HSBP1L1: variants seen among roughly 807,000 people sequenced by gnomAD.
HSBP1L1 encodes the protein heat shock factor binding protein 1 like 1, also known as heat shock factor-binding protein 1-like protein 1.
In HSBP1L1, 8 loss-of-function variants were observed where a neutral mutation model predicts 9.7. The observed-to-expected ratio is 0.82, with a 90% CI of 0.48 to 1.48. The LOEUF (loss-of-function observed/expected upper bound fraction) is 1.48. HSBP1L1 is among the 40% of genes most tolerant of loss of function. HSBP1L1 has a pLI of 0.00. For missense variants in HSBP1L1, 106 were observed against 95.8 expected, an observed-to-expected ratio of 1.11 and a Z score of -0.44; for synonymous variants, 39 against 34.4, an observed-to-expected ratio of 1.13 and a Z score of -0.46.
rs2051267061 is a variant in HSBP1L1 at position 79,968,160 on chromosome 18, G to C, written c.190G>C (p.Glu64Gln). 1 of 1,545,606 alleles carries C rather than the reference G, an allele frequency of 6.5e-7. No homozygotes were observed. Among genetic ancestry groups the C allele is most frequent in the Admixed American group, 2.0e-5 (1 of 50,464 alleles). ...GGACTTAATGGTGCAAGCTGGCATT[G>C]AAAATTCTATTAAAGAACAAATGGT... ...VKDLMVQAGI[E>Q]NSIKEQMLKT Residue 64 changes from glutamate (E) to glutamine (Q), a missense_variant, in exon 3 of 4, where the codon GAA (glutamate) becomes CAA (glutamine). By Grantham distance (29) the Glu-to-Gln change is conservative. Coordinates refer to ENST00000451882, the MANE Select transcript of HSBP1L1 (RefSeq NM_001136180.2).
At chr18:79,966,334 A>G (rs2051257015) in intron 1 of HSBP1L1, among the ~76,000 whole-genome samples, 1 of 152,046 alleles carries the variant, frequency 6.6e-6, no homozygotes, top group Admixed American at 6.5e-5. Context: ...ACCTGAGGCC[A>G]TGAGTTCAAG....
At chr18:79,965,553 A>T (rs113266203) in intron 1 of HSBP1L1, among the ~76,000 whole-genome samples, 2,268 of 152,242 alleles carry the variant, frequency 0.015, 75 homozygotes, top group African/African-American at 0.051. Context: ...TTACACCGTG[A>T]ATGGTGTGGG....
Position 79,970,586 on chromosome 18 carries a change from TC to T in HSBP1L1, c.*137del, listed in dbSNP as rs959508309. On this transcript the variant is annotated 3_prime_UTR_variant, in exon 4 of 4. Transcript: ENST00000451882. The stretch of plus-strand genomic sequence containing the variant: ...CGCAAGGGGCTCGCCTGCTCTCCCC[TC>T]CGTGCCTGCACCAGAGAAGGAGGCC... 13 of 27,454 alleles carry T rather than the reference TC, an allele frequency of 4.7e-4. No homozygotes were observed. Among genetic ancestry groups the T allele is most frequent in the Admixed American group, 4.4e-3 (7 of 1,590 alleles). 1.7% of individuals were successfully genotyped at this position (27,454 alleles called of 1,614,324 possible). A position where few individuals can be genotyped will look rare whatever the true frequency, so the allele number is the denominator to read the frequency against.
At position 79,966,846 on chromosome 18, in the gene HSBP1L1, T is replaced by A. The variant is rs916528362; in HGVS notation, c.118+168T>A. The A allele has an allele frequency of 3.0e-4, 171 of 576,276 alleles. 1 individual carries two copies. The East Asian group carries it at 5.2e-3, about 17-fold the overall frequency. 35.7% of individuals were successfully genotyped at this position (576,276 alleles called of 1,614,324 possible). ...CCTGATGTGTTAATTACCCCTCACC[T>A]ATAGCAAAAGCTGTACCTCCGGCCG... On this transcript the variant is annotated intron_variant, in intron 2 of 3. Coordinates refer to ENST00000451882, the MANE Select transcript of HSBP1L1 (RefSeq NM_001136180.2).
At chr18:79,967,592 C>G (rs1392302808) in intron 2 of HSBP1L1, 1 of 152,274 alleles carries the variant, frequency 6.6e-6, no homozygotes, top group Non-Finnish European at 1.5e-5. Flanking sequence ...GAGTCTTAAA[C>G]ATAAAATTAA....
At position 79,968,278 on chromosome 18, in the gene HSBP1L1, T is replaced by C. The variant is rs543895839; in HGVS notation, c.213+95T>C. 5.5e-6 allele frequency: 4 copies of C among 732,562 alleles called. No individual in the cohort carries two copies. In the Admixed American group the frequency reaches 1.0e-4, roughly 18 times the overall value. 45.4% of individuals were successfully genotyped at this position (732,562 alleles called of 1,614,324 possible). ...TCCCATATTTGTTCACTATGGGAAT[T>C]GCTGCCTCTGTGCTGCATGAAAACT... On this transcript the variant is annotated intron_variant, in intron 3 of 3. Transcript: ENST00000451882.
chr18:79,968,475 C>A (rs1358858851), intron 3 of HSBP1L1, among the ~76,000 whole-genome samples: 3 of 152,132 alleles, frequency 2.0e-5, no homozygotes, highest in East Asian at 1.9e-4. Context: ...TACAGACATG[C>A]ACCACCACAC....
At position 79,970,589 on chromosome 18, in the gene HSBP1L1, G is replaced by A. The variant is rs1019738362; in HGVS notation, c.*138G>A. ...AAGGGGCTCGCCTGCTCTCCCCTCC[G>A]TGCCTGCACCAGAGAAGGAGGCCAT... On this transcript the variant is annotated 3_prime_UTR_variant, in exon 4 of 4. Coordinates refer to ENST00000451882, the MANE Select transcript of HSBP1L1 (RefSeq NM_001136180.2). The A allele has an allele frequency of 1.3e-4, 87 of 644,554 alleles. No homozygotes were observed. Among genetic ancestry groups the A allele is most frequent in the Non-Finnish European group, 2.1e-4 (72 of 342,402 alleles). 39.9% of individuals were successfully genotyped at this position (644,554 alleles called of 1,614,324 possible).
At chr18:79,966,153 G>C (rs140257949) in intron 1 of HSBP1L1, among the ~76,000 whole-genome samples, 1,589 of 148,990 alleles carry the variant, frequency 0.011, 16 homozygotes, top group Non-Finnish European at 0.02. Flanking sequence ...GGATGGTCTC[G>C]ATCTCCTGAC....
chr18:79,969,216 GAA>G lies in HSBP1L1; in HGVS notation c.213+1035_213+1036del, dbSNP rs1491286329. 2.4e-4 allele frequency among the ~76,000 whole-genome samples: 26 copies of G among 108,110 alleles called. 1 individual carries two copies. The highest frequency in any genetic ancestry group is 6.3e-4 in the African/African-American group (19 of 30,300). The allele number at this position is 108,110 out of a possible 152,430, so 70.9% of individuals were successfully genotyped here. A position where few individuals can be genotyped will look rare whatever the true frequency, so the allele number is the denominator to read the frequency against. The stretch of plus-strand genomic sequence containing the variant: ...AAAAGAAAGGAAAGAAAGAAAGAAA[GAA>G]AGAAAGAGGAGAGAGAGGAGAGAGA... On this transcript the variant is annotated intron_variant, in intron 3 of 3. Coordinates refer to ENST00000451882, the MANE Select transcript of HSBP1L1 (RefSeq NM_001136180.2).
chr18:79,969,394 A>AGAAAGAAAGAAAGAAAAAG (rs35959688), intron 3 of HSBP1L1, among the ~76,000 whole-genome samples: 1 of 80,302 alleles, frequency 1.2e-5, no homozygotes, highest in African/African-American at 4.7e-5. Flanking sequence ...AAAGAAAGAA[A>AGAAAGAAAGAAAGAAAAAG]AAAAAACGAT....
chr18:79,970,196 C>CG, intron 3 of HSBP1L1: 1 of 456,200 alleles, frequency 2.2e-6, no homozygotes, highest in South Asian at 3.1e-5. Flanking sequence ...TCTTCTCTGC[C>CG]AAATATCTAC....
chr18:79,966,080 C>T lies in HSBP1L1; in HGVS notation c.52-532C>T, dbSNP rs111535563. Among the ~76,000 whole-genome samples, 817 of 152,198 alleles carry T rather than the reference C, an allele frequency of 5.4e-3. 8 individuals carry two copies. The highest frequency in any genetic ancestry group is 0.018 in the African/African-American group (761 of 41,558). ...CCGAGTAGCTGGGACTACAGGCGCC[C>T]GCCACTGCACCCAGCTAATTTTTTG... On this transcript the variant is annotated intron_variant, in intron 1 of 3. Coordinates refer to ENST00000451882, the MANE Select transcript of HSBP1L1 (RefSeq NM_001136180.2).
At chr18:79,970,263 C>T (rs2051288067) in intron 3 of HSBP1L1, 177 bp from the exon 4 acceptor site, 2 of 570,558 alleles carry the variant, frequency 3.5e-6, no homozygotes, top group African/African-American at 1.8e-5. Context: ...TAAGTCAGGG[C>T]AAGGTAGACA....
Position 79,970,547 on chromosome 18 carries a change from T to C in HSBP1L1, c.*96T>C. 2.8e-6 allele frequency: 2 copies of C among 711,310 alleles called. No individual in the cohort carries two copies. The highest frequency in any genetic ancestry group is 4.8e-4 in the Middle Eastern group (2 of 4,182). The allele number at this position is 711,310 out of a possible 1,614,324, so 44.1% of individuals were successfully genotyped here. A position where few individuals can be genotyped will look rare whatever the true frequency, so the allele number is the denominator to read the frequency against. ...GGGCCCTCATCCAACAGGATTCGTC[T>C]TTCTGAGAAGAGACGCAAGGGGCTC... On this transcript the variant is annotated 3_prime_UTR_variant, in exon 4 of 4. Transcript: ENST00000451882.
chr18:79,965,372 C>T (rs2051251686), intron 1 of HSBP1L1, among the ~76,000 whole-genome samples: 2 of 152,138 alleles, frequency 1.3e-5, no homozygotes, highest in Non-Finnish European at 2.9e-5. Flanking sequence ...AGGTAGAAAG[C>T]CCTGGCATGG....
intron 1 of HSBP1L1, among the ~76,000 whole-genome samples, chr18:79,965,527 C>T (rs1231584724): frequency 1.3e-5 from 2 of 152,126 alleles, no homozygotes; most frequent in Non-Finnish European, 2.9e-5. Flanking sequence ...GACACGGTCG[C>T]AGGGTGAGGA....
intron 3 of HSBP1L1, among the ~76,000 whole-genome samples, chr18:79,969,379 GAAAGAAAGAAAGAAA>G (rs1300554419): frequency 0.026 from 1,500 of 56,664 alleles, 150 homozygotes; most frequent in Non-Finnish European, 0.031. Flanking sequence ...AAGAAAGAAA[GAAAGAAAGAAAGAAA>G]AAAAAACGAT....
At chr18:79,969,304 G>GGAA (rs1338456237) in intron 3 of HSBP1L1, among the ~76,000 whole-genome samples, 3 of 74,178 alleles carry the variant, frequency 4.0e-5, no homozygotes, top group South Asian at 6.6e-4. Flanking sequence ...GGGAGAGAGA[G>GGAA]AGAGAAAGGA....
Sources: allele counts gnomAD v4.1 joint callset (sites outside exome capture counted in the v4.1 genomes callset), GRCh38; gene constraint gnomAD v4.1.1; transcripts MANE v1.5; gene names NCBI Gene and HGNC (gene_info 2026-07-23, HGNC 2026-07-21).